CREB5: variants seen among roughly 807,000 people sequenced by gnomAD.
The protein encoded by CREB5 is cAMP responsive element binding protein 5.
In CREB5, 19 loss-of-function variants were observed where a neutral mutation model predicts 57.1. The ratio of observed to expected loss-of-function variants is 0.33; its 90% CI spans 0.23 to 0.49. The LOEUF is 0.49. Among genes scored for constraint, CREB5 ranks in the 20% least tolerant of loss-of-function variants. The pLI is 0.99. For synonymous variants in CREB5, 238 were observed against 238.3 expected (o/e 1.00, Z 0.01); for missense variants, 579 against 671.6 (o/e 0.86, Z 1.52).
At chr7:28,626,564 A>T (rs929633073) in intron 5 of CREB5, among the ~76,000 whole-genome samples, 1 of 152,202 alleles carries the variant, frequency 6.6e-6, no homozygotes, top group Non-Finnish European at 1.5e-5. Context: ...TGGCACCAGG[A>T]TCTGCTCTCT....
At chr7:28,652,919 AC>A (rs1799199423) in intron 5 of CREB5, among the ~76,000 whole-genome samples, 1 of 152,144 alleles carries the variant, frequency 6.6e-6, no homozygotes, top group South Asian at 2.1e-4. Context: ...AAGGTGAAAA[AC>A]TTTGTAATGG....
At chr7:28,563,366 G>A (rs1795352408) in intron 4 of CREB5, among the ~76,000 whole-genome samples, 1 of 152,154 alleles carries the variant, frequency 6.6e-6, no homozygotes, top group African/African-American at 2.4e-5. Flanking sequence ...AGATGAGAAA[G>A]GTATGGCTCA....
At position 28,560,961 on chromosome 7, in the gene CREB5, CGTGTGT is replaced by C. The variant is rs1255407006; in HGVS notation, c.292-9398_292-9393del. Among the ~76,000 whole-genome samples, 206 of 23,880 alleles carry C rather than the reference CGTGTGT, an allele frequency of 8.6e-3. 13 individuals carry two copies. Among genetic ancestry groups the C allele is most frequent in the African/African-American group, 0.024 (185 of 7,730 alleles). 15.7% of individuals were successfully genotyped at this position (23,880 alleles called of 152,430 possible). On this transcript the variant is annotated intron_variant, in intron 4 of 10. Transcript: ENST00000357727. ...GCGTGCGTGTGTGTGCGTGTGTGTG[CGTGTGT>C]GTGTGCGTGTGTGCGTGCGTGTGTG...
intron 1 of CREB5, among the ~76,000 whole-genome samples, chr7:28,375,889 A>G (rs1161962085): frequency 1.3e-5 from 2 of 152,198 alleles, no homozygotes; most frequent in African/African-American, 2.4e-5. Flanking sequence ...TGAGGTAAGT[A>G]CTATCATTAC....
intron 7 of CREB5, among the ~76,000 whole-genome samples, chr7:28,753,195 G>T (rs1177396414): frequency 6.6e-6 from 1 of 152,074 alleles, no homozygotes; most frequent in Non-Finnish European, 1.5e-5. Context: ...AAATGATTTG[G>T]GAAATTGGCA....
At chr7:28,685,996 G>A (rs1562570768) in intron 5 of CREB5, 8 of 718,610 alleles carry the variant, frequency 1.1e-5, no homozygotes, top group Admixed American at 2.6e-5. Flanking sequence ...GCAAGTGAGC[G>A]AGAGCCCAGC....
rs137989605 is a variant in CREB5 at position 28,421,734 on chromosome 7, G to T, written c.3+8817G>T. ...CAGTTTTTAAGAAATTTACTTGATA[G>T]CCTTTAGCACCATATATATATACAT... On this transcript the variant is annotated intron_variant, in intron 1 of 10. Transcript: ENST00000357727. Among the ~76,000 whole-genome samples, 135 of 146,354 alleles carry T rather than the reference G, an allele frequency of 9.2e-4. 1 individual carries two copies. In the East Asian group the frequency reaches 0.024, roughly 27 times the overall value.
intron 5 of CREB5, among the ~76,000 whole-genome samples, chr7:28,629,432 C>G (rs1279054125): frequency 6.6e-6 from 1 of 152,200 alleles, no homozygotes; most frequent in African/African-American, 2.4e-5. Flanking sequence ...TTTCTGGCCT[C>G]TCTAAACAGA....
At chr7:28,742,064 T>TAAAAA (rs58431827) in intron 7 of CREB5, among the ~76,000 whole-genome samples, 1 of 111,386 alleles carries the variant, frequency 9.0e-6, no homozygotes, top group African/African-American at 3.4e-5. Flanking sequence ...AGATTCCCTC[T>TAAAAA]AAAAAAAAAA....
chr7:28,316,871 C>T (rs1047404501), intron 1 of CREB5, among the ~76,000 whole-genome samples: 3 of 151,928 alleles, frequency 2.0e-5, no homozygotes, highest in African/African-American at 7.3e-5. Flanking sequence ...TCCAAGCCTC[C>T]ATATCCTAAC....
At chr7:28,569,695 C>T (rs926274107) in intron 4 of CREB5, among the ~76,000 whole-genome samples, 43 of 152,184 alleles carry the variant, frequency 2.8e-4, no homozygotes, top group African/African-American at 7.5e-4. Flanking sequence ...AGTAACTAGA[C>T]GCTTGATTAT....
intron 9 of CREB5, among the ~76,000 whole-genome samples, 165 bp downstream of exon 9, chr7:28,809,579 A>C (rs1808980717): frequency 6.6e-6 from 1 of 152,200 alleles, no homozygotes; most frequent in Admixed American, 6.5e-5. Flanking sequence ...GACACCCTGC[A>C]AAACAAAATT....
At chr7:28,509,917 T>C (rs781227339) in intron 4 of CREB5, among the ~76,000 whole-genome samples, 8 of 152,140 alleles carry the variant, frequency 5.3e-5, no homozygotes, top group Non-Finnish European at 1.2e-4. Context: ...CTGGACAATA[T>C]TCAGGCTGTT....
chr7:28,605,182 C>A (rs973610789), intron 5 of CREB5, among the ~76,000 whole-genome samples: 2 of 152,262 alleles, frequency 1.3e-5, no homozygotes, highest in Middle Eastern at 3.4e-3. Flanking sequence ...GAACTGGATA[C>A]CTTTGCCTGG....
Position 28,800,329 on chromosome 7 carries a change from T to C in CREB5, c.703-3870T>C, listed in dbSNP as rs10271772. 7.0e-3 allele frequency among the ~76,000 whole-genome samples: 1,070 copies of C among 152,114 alleles called. 4 individuals carry two copies. Among genetic ancestry groups the C allele is most frequent in the Non-Finnish European group, 0.013 (850 of 67,898 alleles). ...AAGATTGTGAAACGCGAAGGCCCCA[T>C]GTCTGGAGGGTGCATGACGCGCCCT... On this transcript the variant is annotated intron_variant, in intron 7 of 10. Transcript: ENST00000357727.
intron 7 of CREB5, among the ~76,000 whole-genome samples, chr7:28,752,248 C>A (rs1388318857): frequency 1.3e-5 from 2 of 152,146 alleles, no homozygotes; most frequent in Admixed American, 6.5e-5. Context: ...CTCACTGCAA[C>A]CTCTGCCTCT....
chr7:28,774,318 A>G (rs1032228230), intron 7 of CREB5, among the ~76,000 whole-genome samples: 1 of 152,168 alleles, frequency 6.6e-6, no homozygotes, highest in Non-Finnish European at 1.5e-5. Context: ...TTCTGCATTC[A>G]TTTGTCAGGG....
At chr7:28,686,193 A>G (rs367775918) in intron 5 of CREB5, 28 of 1,610,274 alleles carry the variant, frequency 1.7e-5, no homozygotes, top group South Asian at 7.7e-5. Context: ...AGTGATGTCC[A>G]TGAGGTTTGT....
chr7:28,492,784 T>C (rs1249110398), intron 2 of CREB5, among the ~76,000 whole-genome samples: 1 of 149,786 alleles, frequency 6.7e-6, no homozygotes, highest in Non-Finnish European at 1.5e-5. Flanking sequence ...TTTTATAGTA[T>C]ATTTGTGTTA....
Sources: gnomAD v4.1 joint callset for allele counts (sites outside exome capture counted in the v4.1 genomes callset) on GRCh38, gnomAD v4.1.1 for gene constraint, MANE v1.5 for transcripts, NCBI Gene and HGNC (gene_info 2026-07-23, HGNC 2026-07-21) for gene names.